The following NBEAL1 variants were observed in gnomAD, a reference collection of about 807,000 sequenced individuals.
NBEAL1 encodes neurobeachin-like protein 1.
In NBEAL1, 273 loss-of-function variants were observed where a neutral mutation model predicts 351.3. That is an observed-to-expected ratio of 0.78 (90% CI 0.70 to 0.86). The LOEUF is 0.86. NBEAL1 is among the 40% of genes least tolerant of loss of function. NBEAL1 has a pLI of 0.00. For synonymous variants in NBEAL1, 1,050 were observed against 1,086.4 expected (o/e 0.97, Z 0.66); for missense variants, 2,961 against 3,201.3 (o/e 0.92, Z 1.81).
chr2:203,106,327 C>T lies in NBEAL1; in HGVS notation c.1270-1093C>T, dbSNP rs114593968. Among the ~76,000 whole-genome samples the T allele has an allele frequency of 3.3e-3, 503 of 152,308 alleles. 3 individuals carry two copies. The highest frequency in any genetic ancestry group is 0.024 in the Middle Eastern group (7 of 294). ...TCCCTGTTTTCTGAAACATGCCTTT[C>T]ATTGTATTCCTTAGATTACATTGGT... On this transcript the variant is annotated intron_variant, in intron 12 of 55. Transcript: ENST00000683969.
intron 43 of NBEAL1, among the ~76,000 whole-genome samples, 181 bp downstream of exon 43, chr2:203,180,693 G>A (rs1378738577): frequency 1.3e-5 from 2 of 152,074 alleles, no homozygotes; most frequent in African/African-American, 4.8e-5. Flanking sequence ...GTGCTATAGG[G>A]AACTAAGCCA....
chr2:203,163,848 G>A (rs2064045780), intron 36 of NBEAL1, among the ~76,000 whole-genome samples: 1 of 152,068 alleles, frequency 6.6e-6, no homozygotes, highest in African/African-American at 2.4e-5. Context: ...TCTCGATGTG[G>A]TTTTAATCTG....
At chr2:203,152,067 C>T (rs982273457) in intron 35 of NBEAL1, among the ~76,000 whole-genome samples, 1 of 151,970 alleles carries the variant, frequency 6.6e-6, no homozygotes, top group Non-Finnish European at 1.5e-5. Context: ...AAGCAATTCT[C>T]ATGCCTCAGC....
intron 53 of NBEAL1, among the ~76,000 whole-genome samples, chr2:203,209,572 A>T (rs942016211): frequency 1.2e-4 from 18 of 152,194 alleles, no homozygotes; most frequent in African/African-American, 4.3e-4. Flanking sequence ...ATTTCTGCTT[A>T]TGTAGGATTT....
At chr2:203,150,848 C>T (rs528558085) in intron 34 of NBEAL1, among the ~76,000 whole-genome samples, 1 of 152,268 alleles carries the variant, frequency 6.6e-6, no homozygotes, top group South Asian at 2.1e-4. Context: ...GTAAAGGTAT[C>T]AAGCTGTCAA....
chr2:203,072,011 T>C (rs1272056583), intron 7 of NBEAL1, among the ~76,000 whole-genome samples: 4 of 152,176 alleles, frequency 2.6e-5, no homozygotes, highest in African/African-American at 7.2e-5. Flanking sequence ...AGCTCCACCA[T>C]TGAGGCACTA....
chr2:203,039,311 T>TC (rs1199468365), intron 2 of NBEAL1, among the ~76,000 whole-genome samples: 6 of 29,764 alleles, frequency 2.0e-4, no homozygotes, highest in Non-Finnish European at 2.5e-4. Flanking sequence ...GGCCCTCCCC[T>TC]CCCCCCCTCC....
chr2:203,100,901 G>A (rs1433658885), intron 12 of NBEAL1, among the ~76,000 whole-genome samples: 3 of 152,178 alleles, frequency 2.0e-5, no homozygotes, highest in Admixed American at 6.6e-5. Flanking sequence ...TTTTAGTCGG[G>A]TTATTTGCTT....
chr2:203,126,488 T>C, intron 21 of NBEAL1, 69 bp from the exon 22 acceptor site: 2 of 1,176,186 alleles, frequency 1.7e-6, no homozygotes, highest in Non-Finnish European at 2.3e-6. Context: ...TGATTAATGA[T>C]TTAAAATTAT....
At chr2:203,158,422 A>C (rs1224297384) in intron 36 of NBEAL1, among the ~76,000 whole-genome samples, 1 of 152,204 alleles carries the variant, frequency 6.6e-6, no homozygotes, top group Non-Finnish European at 1.5e-5. Flanking sequence ...AAAGATACAA[A>C]TTACCCAACC....
chr2:203,122,155 C>A, intron 18 of NBEAL1, 99 bp from the exon 19 acceptor site: 1 of 636,696 alleles, frequency 1.6e-6, no homozygotes, highest in Non-Finnish European at 2.6e-6. Context: ...CTTTGACTAT[C>A]CTATATTCCT....
chr2:203,078,642 C>T (rs934778935), intron 8 of NBEAL1, among the ~76,000 whole-genome samples: 3 of 152,184 alleles, frequency 2.0e-5, no homozygotes, highest in African/African-American at 7.2e-5. Context: ...TGCCCTACCA[C>T]TGTCATAAAC....
intron 2 of NBEAL1, among the ~76,000 whole-genome samples, chr2:203,031,785 CAT>C (rs1437658486): frequency 2.0e-5 from 3 of 152,122 alleles, no homozygotes; most frequent in African/African-American, 7.2e-5. Context: ...AATTTAAATA[CAT>C]ATGTTAGAAA....
At chr2:203,202,951 A>C (rs1047243956) in intron 51 of NBEAL1, among the ~76,000 whole-genome samples, 170 bp downstream of exon 51, 5 of 152,112 alleles carry the variant, frequency 3.3e-5, no homozygotes, top group Admixed American at 6.5e-5. Flanking sequence ...TCCTAGGTTT[A>C]CTGTCTGATT....
upstream of NBEAL1, chr2:203,014,765 G>A (rs2060647988): frequency 6.6e-6 from 1 of 152,290 alleles, no homozygotes; most frequent in Admixed American, 6.5e-5. Flanking sequence ...CGCGACCATT[G>A]AACAGCTGCC....
intron 42 of NBEAL1, among the ~76,000 whole-genome samples, chr2:203,179,207 A>G (rs1195502385): frequency 6.6e-6 from 1 of 152,246 alleles, no homozygotes; most frequent in Non-Finnish European, 1.5e-5. Flanking sequence ...AACAGAAGGG[A>G]TTTATACTGT....
intron 15 of NBEAL1, among the ~76,000 whole-genome samples, chr2:203,111,656 G>A (rs2062576106): frequency 6.6e-6 from 1 of 152,114 alleles, no homozygotes; most frequent in African/African-American, 2.4e-5. Context: ...GCGCCCAGCT[G>A]ATAGGTTGTT....
chr2:203,040,373 T>C, intron 2 of NBEAL1: 1 of 716,158 alleles, frequency 1.4e-6, no homozygotes, highest in Non-Finnish European at 2.5e-6. Context: ...GCCATGGCCT[T>C]TGTTGTACAC....
chr2:203,141,661 G>T (rs1179784010), intron 31 of NBEAL1, among the ~76,000 whole-genome samples: 1 of 151,726 alleles, frequency 6.6e-6, no homozygotes, highest in East Asian at 1.9e-4. Flanking sequence ...GGAATTACAG[G>T]TGTGAGCCAC....
Sources: allele counts gnomAD v4.1 joint callset (sites outside exome capture counted in the v4.1 genomes callset), GRCh38; gene constraint gnomAD v4.1.1; transcripts MANE v1.5; gene names NCBI Gene and HGNC (gene_info 2026-07-23, HGNC 2026-07-21).